DOK5: variants seen among roughly 807,000 people sequenced by gnomAD.
The protein encoded by DOK5 is docking protein 5, also known as downstream of tyrosine kinase 5.
In DOK5, 27 loss-of-function variants were observed where a neutral mutation model predicts 43.3. That is an observed-to-expected ratio of 0.62 (90% CI 0.46 to 0.86). The LOEUF is 0.86. Ranked by LOEUF, DOK5 falls within the 40% of genes least tolerant of loss-of-function variation. DOK5 has a pLI of 0.00. For synonymous variants in DOK5, 146 were observed against 140.1 expected, an observed-to-expected ratio of 1.04 and a Z score of -0.30; for missense variants, 373 against 392.9, an observed-to-expected ratio of 0.95 and a Z score of 0.43.
chr20:54,593,693 C>A (rs923988457), intron 5 of DOK5, among the ~76,000 whole-genome samples: 13 of 152,154 alleles, frequency 8.5e-5, no homozygotes, highest in Admixed American at 3.9e-4. Flanking sequence ...AACACATGCA[C>A]ATGTATGTTC....
chr20:54,637,928 G>A (rs144874124), intron 6 of DOK5, among the ~76,000 whole-genome samples: 2 of 152,060 alleles, frequency 1.3e-5, no homozygotes, highest in Non-Finnish European at 2.9e-5. Flanking sequence ...CAAGACCATC[G>A]TGGCTAACAC....
chr20:54,637,582 G>A (rs1978882360), intron 6 of DOK5, among the ~76,000 whole-genome samples: 1 of 152,216 alleles, frequency 6.6e-6, no homozygotes, highest in South Asian at 2.1e-4. Context: ...TAGTCTTATT[G>A]CCACGTTCCC....
intron 1 of DOK5, among the ~76,000 whole-genome samples, chr20:54,500,116 G>C (rs752788226): frequency 4.6e-5 from 7 of 152,120 alleles, no homozygotes; most frequent in Non-Finnish European, 8.8e-5. Context: ...AAATGAAAAA[G>C]TTAAAAAGTG....
intron 2 of DOK5, among the ~76,000 whole-genome samples, chr20:54,558,209 G>C (rs1019209802): frequency 1.3e-5 from 2 of 152,144 alleles, no homozygotes; most frequent in Admixed American, 6.5e-5. Flanking sequence ...GTTTTAGGAG[G>C]ACAGAAAAAT....
At chr20:54,626,325 ATTGAGGGATAATTAGAGTT>A (rs1987130190) in intron 6 of DOK5, among the ~76,000 whole-genome samples, 1 of 152,162 alleles carries the variant, frequency 6.6e-6, no homozygotes, top group Non-Finnish European at 1.5e-5. Context: ...GCTTCTTCTA[ATTGAGGGATAATTAGAGTT>A]GGAATGAGTG....
At chr20:54,608,149 C>T (rs1412754677) in intron 5 of DOK5, among the ~76,000 whole-genome samples, 4 of 152,092 alleles carry the variant, frequency 2.6e-5, no homozygotes, top group Non-Finnish European at 5.9e-5. Context: ...ACTAGATTGT[C>T]CAAGCTTGAG....
intron 2 of DOK5, among the ~76,000 whole-genome samples, chr20:54,579,153 C>G (rs112891961): frequency 1.9e-4 from 29 of 152,050 alleles, no homozygotes; most frequent in African/African-American, 6.7e-4. Flanking sequence ...TTTACTCTTA[C>G]GAATATTTTG....
At chr20:54,563,313 C>G (rs187882159) in intron 2 of DOK5, among the ~76,000 whole-genome samples, 13 of 152,238 alleles carry the variant, frequency 8.5e-5, no homozygotes, top group Admixed American at 2.6e-4. Context: ...ATTGTCATTC[C>G]CTGGTGTTCA....
chr20:54,556,887 C>T (rs1178601656), intron 2 of DOK5, among the ~76,000 whole-genome samples: 1 of 152,200 alleles, frequency 6.6e-6, no homozygotes, highest in African/African-American at 2.4e-5. Context: ...TTCACAATTC[C>T]ATATGCCAAC....
intron 2 of DOK5, among the ~76,000 whole-genome samples, chr20:54,581,896 C>T (rs1351953759): frequency 6.6e-6 from 1 of 151,812 alleles, no homozygotes; most frequent in African/African-American, 2.4e-5. Flanking sequence ...TCTTTCTTGT[C>T]TAATTGCTCT....
intron 2 of DOK5, among the ~76,000 whole-genome samples, chr20:54,556,597 A>T (rs561515244): frequency 6.6e-6 from 1 of 152,334 alleles, no homozygotes; most frequent in South Asian, 2.1e-4. Flanking sequence ...TGCTATAAGG[A>T]TGACTTGCTT....
In DOK5 at chr20:54,475,923, A is replaced by T. The variant is rs1248327864; in HGVS notation, c.-24A>T. ...ACTTCGGGTGCGCGCTCTTGGGTAA[A>T]GGGGGGGTCACCGGCTGTCTGGGAT... On this transcript the variant is annotated 5_prime_UTR_variant, in exon 1 of 8. It adds an upstream start codon to the 5' untranslated region. Transcript: ENST00000262593. The surrounding 1 kb of genome is among the most constrained non-coding windows in gnomAD (Gnocchi z 4.2). 1 of 1,612,126 alleles carries T rather than the reference A, an allele frequency of 6.2e-7. No individual in the cohort carries two copies. Among genetic ancestry groups the T allele is most frequent in the Non-Finnish European group, 8.5e-7 (1 of 1,179,652 alleles).
chr20:54,589,145 C>T lies in DOK5; in HGVS notation c.409+339C>T, dbSNP rs370015724. Reference sequence around the variant, plus strand: ...ATGGTGTAGGTATAATTACTTCCTACGTTTTGCAGATGAGGAAACTAAAAT... The same window carrying T: ...ATGGTGTAGGTATAATTACTTCCTATGTTTTGCAGATGAGGAAACTAAAAT... On this transcript the variant is annotated intron_variant, in intron 4 of 7. Coordinates refer to ENST00000262593, the MANE Select transcript of DOK5 (RefSeq NM_018431.5). Among the ~76,000 whole-genome samples, 125 of 152,246 alleles carry T rather than the reference C, an allele frequency of 8.2e-4. 2 individuals carry two copies. Among genetic ancestry groups the T allele is most frequent in the African/African-American group, 2.8e-3 (118 of 41,556 alleles).
intron 1 of DOK5, among the ~76,000 whole-genome samples, chr20:54,480,629 C>T (rs1184650168): frequency 6.6e-6 from 1 of 152,150 alleles, no homozygotes; most frequent in Non-Finnish European, 1.5e-5. Context: ...TACAGACTTG[C>T]CCTGAATTCT....
intron 2 of DOK5, among the ~76,000 whole-genome samples, chr20:54,559,460 A>G (rs571833354): frequency 6.6e-6 from 1 of 152,378 alleles, no homozygotes; most frequent in East Asian, 1.9e-4. Flanking sequence ...ACCTTGGACC[A>G]GAAGGACAAG....
chr20:54,594,240 A>G lies in DOK5; in HGVS notation c.599+2435A>G, dbSNP rs568417820. On this transcript the variant is annotated intron_variant, in intron 5 of 7. Coordinates refer to ENST00000262593, the MANE Select transcript of DOK5 (RefSeq NM_018431.5). ...AATAAAAGCAAATTAAATGAAAAAA[A>G]AATTAGCCAGGCATAGTGGCACACA... Among the ~76,000 whole-genome samples the G allele has an allele frequency of 2.7e-3, 404 of 152,308 alleles. 4 individuals carry two copies. In the Middle Eastern group the frequency reaches 0.037, roughly 14 times the overall value.
chr20:54,585,289 A>G (rs1985768320), intron 2 of DOK5, among the ~76,000 whole-genome samples: 2 of 152,256 alleles, frequency 1.3e-5, no homozygotes, highest in African/African-American at 4.8e-5. Context: ...GGGAATGGTC[A>G]TTTGCTTCTC....
At chr20:54,571,706 G>T (rs1985287132) in intron 2 of DOK5, among the ~76,000 whole-genome samples, 1 of 152,132 alleles carries the variant, frequency 6.6e-6, no homozygotes, top group Non-Finnish European at 1.5e-5. Context: ...GCATAAATAT[G>T]ACTGTTCCAT....
At chr20:54,494,609 A>G (rs1001526430) in intron 1 of DOK5, among the ~76,000 whole-genome samples, 1 of 152,098 alleles carries the variant, frequency 6.6e-6, no homozygotes, top group Non-Finnish European at 1.5e-5. Context: ...ATTTTACCCA[A>G]TGTTCTCAAA....
Sources: allele counts gnomAD v4.1 joint callset (sites outside exome capture counted in the v4.1 genomes callset), GRCh38; gene constraint gnomAD v4.1.1; non-coding constraint Gnocchi (gnomAD v3.1); transcripts MANE v1.5; gene names NCBI Gene and HGNC (gene_info 2026-07-23, HGNC 2026-07-21).